The following CLEC2A variants were observed in gnomAD, a reference collection of about 807,000 sequenced individuals.
The protein encoded by CLEC2A is C-type lectin domain family 2 member A.
CLEC2A carries 19 observed loss-of-function variants against 18.6 expected under a neutral mutation model. The observed-to-expected ratio is 1.02, with a 90% CI of 0.71 to 1.50. CLEC2A has a LOEUF of 1.50. Ranked by LOEUF, CLEC2A falls within the 40% of genes most tolerant of loss-of-function variation. The pLI, the probability that CLEC2A is intolerant of heterozygous loss-of-function variation, is 0.00. For synonymous variants in CLEC2A, 74 were observed against 64.0 expected (o/e 1.16, Z -0.75); for missense variants, 190 against 207.9 (o/e 0.91, Z 0.53).
intron 3 of CLEC2A, among the ~76,000 whole-genome samples, chr12:9,921,520 A>G (rs960418379): frequency 3.9e-5 from 6 of 151,988 alleles, no homozygotes; most frequent in Admixed American, 3.9e-4. Context: ...CCAGGAATTC[A>G]AGGCTACAGT....
At chr12:9,899,214 G>A (rs989590063) in intron 4 of CLEC2A, among the ~76,000 whole-genome samples, 18 of 152,056 alleles carry the variant, frequency 1.2e-4, no homozygotes, top group Admixed American at 6.6e-4. Context: ...TTAACGTTTG[G>A]GAAATTAACC....
intron 1 of CLEC2A, 145 bp from the exon 2 acceptor site, chr12:9,926,488 C>A: frequency 3.3e-6 from 2 of 614,710 alleles, no homozygotes; most frequent in Admixed American, 2.8e-5. Flanking sequence ...GATAGCAAAC[C>A]ATCAAAAAGT....
the CLEC2A span, chr12:9,893,228 C>A: frequency 6.9e-7 from 1 of 1,445,474 alleles, no homozygotes; most frequent in Admixed American, 2.1e-5. Context: ...TGCAAGTTCA[C>A]TGCCTAAGAA....
At chr12:9,925,363 G>A (rs1863251381) in intron 2 of CLEC2A, among the ~76,000 whole-genome samples, 1 of 152,222 alleles carries the variant, frequency 6.6e-6, no homozygotes, top group Non-Finnish European at 1.5e-5. Flanking sequence ...TTAAAGGAAT[G>A]CTACAATTAT....
chr12:9,919,836 A>G (rs533939605), intron 3 of CLEC2A, among the ~76,000 whole-genome samples: 11 of 152,354 alleles, frequency 7.2e-5, no homozygotes, highest in African/African-American at 2.6e-4. Context: ...CCAGGGAGGT[A>G]CATAGCTATT....
At chr12:9,887,394 T>A in the CLEC2A span, among the ~76,000 whole-genome samples, 1 of 152,176 alleles carries the variant, frequency 6.6e-6, no homozygotes, top group Non-Finnish European at 1.5e-5. Flanking sequence ...CAAATTAGCA[T>A]CAGATTTTTA....
At chr12:9,921,047 A>G (rs11053511) in intron 3 of CLEC2A, among the ~76,000 whole-genome samples, 50,048 of 152,092 alleles carry the variant, frequency 0.33, 9,249 homozygotes, top group Non-Finnish European at 0.41. Flanking sequence ...TCCCAGCCCA[A>G]CAACTTATGG....
intron 2 of CLEC2A, among the ~76,000 whole-genome samples, chr12:9,924,051 A>G (rs1410104677): frequency 6.6e-6 from 1 of 152,110 alleles, no homozygotes; most frequent in Non-Finnish European, 1.5e-5. Context: ...CCAACATGGC[A>G]CATGTATACA....
At chr12:9,892,513 C>T in the CLEC2A span, among the ~76,000 whole-genome samples, 4 of 150,702 alleles carry the variant, frequency 2.7e-5, no homozygotes, top group East Asian at 7.8e-4. Flanking sequence ...CCTAATCCAT[C>T]ATCCAAAACC....
intron 3 of CLEC2A, among the ~76,000 whole-genome samples, chr12:9,920,727 T>C (rs1444074637): frequency 1.3e-5 from 2 of 152,190 alleles, no homozygotes; most frequent in East Asian, 3.8e-4. Context: ...CCAGCTTTTC[T>C]TTAAAAACTA....
chr12:9,879,062 A>T, the CLEC2A span, among the ~76,000 whole-genome samples: 7 of 152,176 alleles, frequency 4.6e-5, no homozygotes, highest in African/African-American at 7.2e-5. Context: ...CAGTTGCCAC[A>T]ATAAGCCAGA....
chr12:9,902,447 G>C (rs930540977), intron 4 of CLEC2A, among the ~76,000 whole-genome samples: 6 of 151,862 alleles, frequency 4.0e-5, no homozygotes, highest in African/African-American at 1.5e-4. Context: ...TGGCCAGGCT[G>C]GTCTTGAACT....
At chr12:9,926,201 T>A in intron 2 of CLEC2A, 59 bp downstream of exon 2, 1 of 1,005,762 alleles carries the variant, frequency 9.9e-7, no homozygotes, top group Non-Finnish European at 1.5e-6. Context: ...AAACTTGAGA[T>A]ATACATGGAC....
downstream of CLEC2A, among the ~76,000 whole-genome samples, chr12:9,908,733 T>A (rs1042641806): frequency 3.3e-5 from 5 of 152,136 alleles, no homozygotes; most frequent in Non-Finnish European, 5.9e-5. Context: ...AAACATCTAT[T>A]CTGTCTTTTC....
At chr12:9,897,717 G>A (rs1240490005), downstream of CLEC2A, among the ~76,000 whole-genome samples, 6 of 152,202 alleles carry the variant, frequency 3.9e-5, no homozygotes, top group East Asian at 5.8e-4. Flanking sequence ...CAATGTGCAA[G>A]CAGGCCCCCG....
At chr12:9,914,402 C>T (rs1425723892) in intron 4 of CLEC2A, among the ~76,000 whole-genome samples, 1 of 152,114 alleles carries the variant, frequency 6.6e-6, no homozygotes, top group African/African-American at 2.4e-5. Flanking sequence ...GCCCATATAG[C>T]CAAGACAATC....
intron 4 of CLEC2A, among the ~76,000 whole-genome samples, chr12:9,915,976 C>T (rs916101319): frequency 6.6e-6 from 1 of 151,338 alleles, no homozygotes; most frequent in South Asian, 2.1e-4. Flanking sequence ...TTATTGGTTG[C>T]TTTTTTTAAT....
At chr12:9,887,353 G>T in the CLEC2A span, among the ~76,000 whole-genome samples, 4 of 152,088 alleles carry the variant, frequency 2.6e-5, no homozygotes, top group African/African-American at 4.8e-5. Flanking sequence ...ATCCTAAAGG[G>T]TTTACATAAA....
In CLEC2A at chr12:9,898,976, C is replaced by T. The variant is rs1225680893; in HGVS notation, c.411G>A (p.Trp137Ter). 1 of 713,646 alleles carries T rather than the reference C, an allele frequency of 1.4e-6. No homozygotes were observed. Among genetic ancestry groups the T allele is most frequent in the Admixed American group, 2.0e-5 (1 of 49,980 alleles). The allele number at this position is 713,646 out of a possible 1,614,324, so 44.2% of individuals were successfully genotyped here. Residue 137 changes from tryptophan to a stop codon, truncating the protein, a stop_gained and splice_region_variant, in exon 5 of 5, where the codon TGG becomes TGA. Transcript: ENST00000339766. LOFTEE classifies it high-confidence loss of function. ...TGCAAGACCATTTGGAGTTTGATGG[C>T]CTGAAAGCAAGAACAGACAAACCGG... is the stretch of plus-strand genomic sequence containing the variant.
Sources: allele counts gnomAD v4.1 joint callset (sites outside exome capture counted in the v4.1 genomes callset), GRCh38; gene constraint gnomAD v4.1.1; transcripts MANE v1.5; gene names NCBI Gene and HGNC (gene_info 2026-07-23, HGNC 2026-07-21).